Variants in STAT2 observed in about 807,000 individuals in gnomAD.
STAT2 encodes signal transducer and activator of transcription 2.
In STAT2, 51 loss-of-function variants were observed where a neutral mutation model predicts 122.3. The observed-to-expected ratio is 0.42, with a 90% CI of 0.33 to 0.53. The LOEUF is 0.53. STAT2 is among the 20% of genes least tolerant of loss of function. The pLI is 0.10. For missense variants in STAT2, 736 were observed against 1,010.3 expected (o/e 0.73, Z 3.68); for synonymous variants, 351 against 394.9 (o/e 0.89, Z 1.32).
rs1000265616 is a variant in STAT2, at chr12:56,354,530, C to T, written c.718G>A (p.Ala240Thr). ...LLLPKLEEWK[A>T]QQQKACIRAP... is the part of the protein sequence containing the mutation. ...CTGATGCAGGCTTTTTGCTGCTGGGCCTTCCACTCCTCCAACTTTGGCAGC... is the reference window on the plus strand; with the variant it reads ...CTGATGCAGGCTTTTTGCTGCTGGGTCTTCCACTCCTCCAACTTTGGCAGC... Residue 240 changes from alanine to threonine, a missense_variant, in exon 8 of 24, where the codon GCC (alanine) becomes ACC (threonine). Transcript: ENST00000314128. 1.2e-6 allele frequency: 2 copies of T among 1,614,042 alleles called. No individual in the cohort carries two copies. Among genetic ancestry groups the T allele is most frequent in the Admixed American group, 3.3e-5 (2 of 60,008 alleles).
intron 12 of STAT2, 70 bp from the exon 13 acceptor site, chr12:56,350,260 A>C (rs536508526): frequency 1.6e-5 from 24 of 1,456,730 alleles, no homozygotes; most frequent in East Asian, 1.6e-4. Context: ...AAAAAAAAAA[A>C]CAGAAGTTCC....
chr12:56,344,510 G>T (rs1284217927), intron 22 of STAT2, among the ~76,000 whole-genome samples: 2 of 152,178 alleles, frequency 1.3e-5, no homozygotes, highest in Middle Eastern at 3.2e-3. Context: ...TACTTCACAG[G>T]ACTATTTTGT....
At chr12:56,354,040 T>TATATATATATATATATAA (rs1157971570) in intron 8 of STAT2, among the ~76,000 whole-genome samples, 1 of 53,352 alleles carries the variant, frequency 1.9e-5, no homozygotes, top group African/African-American at 5.4e-5. Context: ...TATATATATA[T>TATATATATATATATATAA]AAAAAATACT....
chr12:56,355,547 T>C lies in STAT2; in HGVS notation c.382-15A>G. On this transcript the variant is annotated splice_polypyrimidine_tract_variant and intron_variant, in intron 4 of 23. Transcript: ENST00000314128. Reference sequence around the variant, plus strand: ...TCTCCTTGTTCCTGAAAAAAGAGGCTCTGAGCACGTTTTAACTCTGGCCTT... The same window carrying C: ...TCTCCTTGTTCCTGAAAAAAGAGGCCCTGAGCACGTTTTAACTCTGGCCTT... 6.2e-7 allele frequency: 1 copy of C among 1,614,070 alleles called. No homozygotes were observed. The highest frequency in any genetic ancestry group is 1.1e-5 in the South Asian group (1 of 91,084).
At chr12:56,348,392 A>C in intron 19 of STAT2, 137 bp downstream of exon 19, 4 of 847,038 alleles carry the variant, frequency 4.7e-6, no homozygotes, top group Non-Finnish European at 5.7e-6. Flanking sequence ...CGGCCTTATT[A>C]TTGTTAACAA....
At chr12:56,349,673 G>C (rs1336543844) in intron 13 of STAT2, 37 bp from the exon 14 acceptor site, 5 of 1,613,834 alleles carry the variant, frequency 3.1e-6, no homozygotes, top group Non-Finnish European at 4.2e-6. Context: ...ATGCCAGAGT[G>C]GGCACCCTAG....
At chr12:56,352,680 C>T (rs372906104) in intron 8 of STAT2, among the ~76,000 whole-genome samples, 118 of 150,428 alleles carry the variant, frequency 7.8e-4, no homozygotes, top group African/African-American at 2.6e-3. Context: ...TCTACCTGAG[C>T]AATTGTGGTA....
At chr12:56,354,290 T>C (rs1310932079) in intron 8 of STAT2, 176 bp downstream of exon 8, 5 of 892,872 alleles carry the variant, frequency 5.6e-6, no homozygotes, top group East Asian at 5.5e-5. Context: ...GACTGGGCTC[T>C]GGGCTCCCTG....
intron 9 of STAT2, 51 bp from the exon 10 acceptor site, chr12:56,351,241 T>C (rs2136064439): frequency 6.2e-7 from 1 of 1,611,646 alleles, no homozygotes; most frequent in Non-Finnish European, 8.5e-7. Flanking sequence ...TCTGTAAGAA[T>C]GGCTTCCCTT....
chr12:56,351,490 C>T, intron 8 of STAT2, 40 bp from the exon 9 acceptor site: 1 of 1,596,608 alleles, frequency 6.3e-7, no homozygotes, highest in Non-Finnish European at 8.5e-7. Flanking sequence ...CCATGAGTTT[C>T]CTGGATTCCC....
chr12:56,353,995 CAAAAAAA>C (rs1187550270), intron 8 of STAT2, among the ~76,000 whole-genome samples: 14 of 12,776 alleles, frequency 1.1e-3, no homozygotes, highest in Non-Finnish European at 1.5e-3. Context: ...GACTCCGTCT[CAAAAAAA>C]AAAAAAAAAA....
At position 56,355,320 on chromosome 12, in the gene STAT2, T is replaced by A; in HGVS notation, c.503A>T (p.Asp168Val). ...TCGGAAGCAGAAGACATCCTGCTGGTCTTTCAGTTGGCTGATGGATTTTAC... is the reference window on the plus strand; with the variant it reads ...TCGGAAGCAGAAGACATCCTGCTGGACTTTCAGTTGGCTGATGGATTTTAC... ...KLVKSISQLKDQQDVFCFRYK... is the reference protein window; with the variant it reads ...KLVKSISQLKVQQDVFCFRYK... The change falls in exon 6 of 24, where the codon GAC becomes GTC. Residue 168 changes from aspartate (D) to valine (V), a missense_variant. Asp to Val is a radical substitution (Grantham distance 152). Transcript: ENST00000314128. The A allele has an allele frequency of 6.2e-7, 1 of 1,614,202 alleles. No individual in the cohort carries two copies. The highest frequency in any genetic ancestry group is 8.5e-7 in the Non-Finnish European group (1 of 1,180,034).
intron 8 of STAT2, among the ~76,000 whole-genome samples, chr12:56,351,994 G>A (rs1171335276): frequency 6.6e-6 from 1 of 152,038 alleles, no homozygotes; most frequent in Non-Finnish European, 1.5e-5. Flanking sequence ...CTGGATTCAA[G>A]AGATTCTCCT....
At chr12:56,344,189 A>G (rs2066808) in intron 22 of STAT2, 54 bp from the exon 23 acceptor site, 132,549 of 1,510,784 alleles carry the variant, frequency 0.088, 13,976 homozygotes, top group African/African-American at 0.53. Flanking sequence ...AAATGAAATC[A>G]GGAATGGTAG....
intron 22 of STAT2, among the ~76,000 whole-genome samples, chr12:56,345,127 T>C (rs973417980): frequency 7.0e-6 from 1 of 142,302 alleles, no homozygotes; most frequent in African/African-American, 2.7e-5. Flanking sequence ...TGAGCTGAAA[T>C]TGCACCACTG....
intron 19 of STAT2, among the ~76,000 whole-genome samples, chr12:56,347,483 G>A (rs903883681): frequency 1.3e-5 from 2 of 151,724 alleles, no homozygotes; most frequent in African/African-American, 4.8e-5. Context: ...GAGCAACCAC[G>A]CCTGGCCACA....
intron 8 of STAT2, among the ~76,000 whole-genome samples, chr12:56,353,168 G>C (rs1306179125): frequency 2.0e-5 from 3 of 152,162 alleles, no homozygotes; most frequent in African/African-American, 7.2e-5. Flanking sequence ...ATTTTTAGTA[G>C]AGATGGGGTT....
Position 56,356,483 on chromosome 12 carries a change from T to C in STAT2, c.89A>G (p.Asp30Gly). ...QLYSHSLLPV[D>G]IRQYLAVWIE... ...CCAGACAGCCAAGTACTGTCGAATG[T>C]CCACAGGCAGGAGGCTGTGCGAGTA... The change falls in exon 2 of 24, where the codon GAC becomes GGC. Residue 30 changes from aspartate (D) to glycine (G), a missense_variant. Coordinates refer to ENST00000314128, the MANE Select transcript of STAT2 (RefSeq NM_005419.4). 1.2e-6 allele frequency: 2 copies of C among 1,614,174 alleles called. No homozygotes were observed. The highest frequency in any genetic ancestry group is 1.7e-6 in the Non-Finnish European group (2 of 1,180,044).
chr12:56,349,209 G>A lies in STAT2; in HGVS notation c.1394C>T (p.Ala465Val). 1 of 1,614,210 alleles carries A rather than the reference G, an allele frequency of 6.2e-7. No individual in the cohort carries two copies. The highest frequency in any genetic ancestry group is 8.5e-7 in the Non-Finnish European group (1 of 1,180,046). Residue 465 changes from alanine (A) to valine (V), a missense_variant, in exon 16 of 24, where the codon GCC becomes GTC. Coordinates refer to ENST00000314128, the MANE Select transcript of STAT2 (RefSeq NM_005419.4). ...ATTGAACCAGAGAACTGAAGCCCAG[G>A]CAATTGAGAGCTGGTTCATGTTGGA... ...IISNMNQLSI[A>V]WASVLWFNLL...
Sources: gnomAD v4.1 joint callset for allele counts (sites outside exome capture counted in the v4.1 genomes callset) on GRCh38, gnomAD v4.1.1 for gene constraint, MANE v1.5 for transcripts, NCBI Gene and HGNC (gene_info 2026-07-23, HGNC 2026-07-21) for gene names.